Variants in KDM4C observed in about 807,000 individuals in gnomAD.
The protein encoded by KDM4C is lysine-specific demethylase 4C.
KDM4C carries 81 observed loss-of-function variants against 129.3 expected under a neutral mutation model. That is an observed-to-expected ratio of 0.63 (90% CI 0.52 to 0.75). The LOEUF (loss-of-function observed/expected upper bound fraction) is 0.75, where lower values mean the gene tolerates loss of function less well. Ranked by LOEUF, KDM4C falls within the 30% of genes least tolerant of loss-of-function variation. KDM4C has a pLI of 0.00. For missense variants in KDM4C, 1,457 were observed against 1,304.0 expected (o/e 1.12, Z -1.81); for synonymous variants, 573 against 456.1 (o/e 1.26, Z -3.26).
chr9:6,866,719 G>GT (rs1842038839), intron 5 of KDM4C, among the ~76,000 whole-genome samples: 2 of 152,070 alleles, frequency 1.3e-5, no homozygotes, highest in Admixed American at 6.6e-5. Flanking sequence ...GAAACCGTGA[G>GT]TGGGGGGTTT....
intron 17 of KDM4C, among the ~76,000 whole-genome samples, chr9:7,086,673 C>T (rs1054189121): frequency 2.6e-5 from 4 of 152,170 alleles, no homozygotes; most frequent in African/African-American, 4.8e-5. Context: ...ATAACTGCTA[C>T]GGGGTTACCA....
rs372619664 is a variant in KDM4C at position 6,832,301 on chromosome 9, C to G, written c.436-17206C>G. 2.2e-3 allele frequency among the ~76,000 whole-genome samples: 332 copies of G among 147,580 alleles called. 3 individuals are homozygous for G. Among genetic ancestry groups the G allele is most frequent in the African/African-American group, 7.5e-3 (299 of 39,984 alleles). ...CTTGCAGTGAGCTGAGATTGCGCCA[C>G]TGCACTCCAGCCTGGGCGACAGAGT... On this transcript the variant is annotated intron_variant, in intron 4 of 21. Transcript: ENST00000381309.
chr9:7,105,394 G>T (rs1183929356), intron 18 of KDM4C: 2 of 467,378 alleles, frequency 4.3e-6, no homozygotes, highest in Non-Finnish European at 8.9e-6. Context: ...TCACCATGTT[G>T]TTTTCAGTTC....
chr9:6,830,366 T>A (rs1834611441), intron 4 of KDM4C, among the ~76,000 whole-genome samples: 1 of 152,142 alleles, frequency 6.6e-6, no homozygotes, highest in South Asian at 2.1e-4. Context: ...AGGGAGGTCG[T>A]GGAGCTGCTT....
intron 15 of KDM4C, among the ~76,000 whole-genome samples, chr9:7,022,637 C>CTTTTTTTTTTTTTTTTTTTTT (rs375675040): frequency 7.5e-6 from 1 of 133,960 alleles, no homozygotes; most frequent in Non-Finnish European, 1.6e-5. Flanking sequence ...CCCTTTATTT[C>CTTTTTTTTTTTTTTTTTTTTT]TTTTTTTTTT....
At chr9:6,854,218 G>C (rs761697586) in intron 5 of KDM4C, among the ~76,000 whole-genome samples, 6 of 151,880 alleles carry the variant, frequency 4.0e-5, no homozygotes, top group Non-Finnish European at 8.8e-5. Flanking sequence ...TCCCAGACTG[G>C]GTACAAACAA....
intron 19 of KDM4C, among the ~76,000 whole-genome samples, chr9:7,148,095 G>A (rs1051156049): frequency 1.3e-5 from 2 of 152,242 alleles, no homozygotes; most frequent in African/African-American, 2.4e-5. Context: ...TCCAGGTGCC[G>A]GCTCCATGTG....
At chr9:7,109,755 C>T (rs1838108136) in intron 18 of KDM4C, among the ~76,000 whole-genome samples, 1 of 152,128 alleles carries the variant, frequency 6.6e-6, no homozygotes, top group Admixed American at 6.5e-5. Context: ...TCCCCTTGGA[C>T]CTTTTGGAGC....
At chr9:7,080,249 T>C (rs372145635) in intron 17 of KDM4C, among the ~76,000 whole-genome samples, 1 of 152,166 alleles carries the variant, frequency 6.6e-6, no homozygotes, top group South Asian at 2.1e-4. Context: ...AACCCCCATG[T>C]ATTCTCCTCC....
At chr9:6,925,149 C>T in intron 8 of KDM4C, 1 of 985,378 alleles carries the variant, frequency 1.0e-6, no homozygotes, top group South Asian at 4.7e-5. Flanking sequence ...CAAGCAGTGC[C>T]TCACTGGAAG....
intron 8 of KDM4C, among the ~76,000 whole-genome samples, chr9:6,921,531 G>A (rs1821508791): frequency 6.6e-6 from 1 of 152,184 alleles, no homozygotes; most frequent in African/African-American, 2.4e-5. Context: ...GATGCCCACT[G>A]CTCACCACAC....
At chr9:7,145,519 A>C (rs752406563) in intron 19 of KDM4C, among the ~76,000 whole-genome samples, 3 of 152,182 alleles carry the variant, frequency 2.0e-5, no homozygotes, top group African/African-American at 4.8e-5. Context: ...CAACTCCTCC[A>C]GAACTCCCAC....
rs1845672248 is a variant in KDM4C, at chr9:6,888,815, T to C, written c.783+752T>C. Among the ~76,000 whole-genome samples, 2 of 26,750 alleles carry C rather than the reference T, an allele frequency of 7.5e-5. 1 individual carries two copies. The highest frequency in any genetic ancestry group is 5.8e-4 in the African/African-American group (2 of 3,424). 17.5% of individuals were successfully genotyped at this position (26,750 alleles called of 152,430 possible). A position where few individuals can be genotyped will look rare whatever the true frequency, so the allele number is the denominator to read the frequency against. ...TTTTTTTTTTTTTTTTGAGACGGAG[T>C]CTCGCTCTGTCGCCCAGGCTGGAGT... On this transcript the variant is annotated intron_variant, in intron 7 of 21. Transcript: ENST00000381309.
intron 5 of KDM4C, among the ~76,000 whole-genome samples, chr9:6,862,723 C>T (rs1044381433): frequency 1.3e-5 from 2 of 152,150 alleles, no homozygotes; most frequent in Non-Finnish European, 2.9e-5. Flanking sequence ...GGGAGAATTG[C>T]TTGATCCCGG....
intron 8 of KDM4C, among the ~76,000 whole-genome samples, chr9:6,978,346 G>A (rs1201545588): frequency 1.4e-5 from 2 of 146,452 alleles, no homozygotes; most frequent in African/African-American, 2.4e-5. Flanking sequence ...CTTTAAAGGT[G>A]TAATCTTTTT....
chr9:6,776,755 C>G (rs150022580), intron 1 of KDM4C, among the ~76,000 whole-genome samples: 2 of 151,910 alleles, frequency 1.3e-5, no homozygotes, highest in Non-Finnish European at 2.9e-5. Context: ...GCACATACCA[C>G]CACGCCCGGG....
chr9:6,834,954 A>C (rs1466339007), intron 4 of KDM4C: 1 of 1,042,294 alleles, frequency 9.6e-7, no homozygotes, highest in Non-Finnish European at 1.5e-6. Context: ...CCCATCTGCG[A>C]GGGATATGCC....
rs372073628 is a variant in KDM4C at position 7,015,941 on chromosome 9, A to G, written c.2259+12A>G. 309 of 1,592,736 alleles carry G rather than the reference A, an allele frequency of 1.9e-4. 1 individual carries two copies. The African/African-American group carries it at 3.8e-3, about 20-fold the overall frequency. On this transcript the variant is annotated intron_variant, in intron 15 of 21. Transcript: ENST00000381309. Reference sequence around the variant, plus strand: ...ATGCGTGGACAGCAGTAAGTAGCTTATTTTAGTATTGCTTAACCTTTCTTC... The same window carrying G: ...ATGCGTGGACAGCAGTAAGTAGCTTGTTTTAGTATTGCTTAACCTTTCTTC...
chr9:7,058,514 A>G (rs1260768189), intron 17 of KDM4C, among the ~76,000 whole-genome samples: 1 of 152,204 alleles, frequency 6.6e-6, no homozygotes, highest in Admixed American at 6.5e-5. Flanking sequence ...AGTCGCTCTC[A>G]GGAGCTTGTA....
Sources: gnomAD v4.1 joint callset for allele counts (sites outside exome capture counted in the v4.1 genomes callset) on GRCh38, gnomAD v4.1.1 for gene constraint, MANE v1.5 for transcripts, NCBI Gene and HGNC (gene_info 2026-07-23, HGNC 2026-07-21) for gene names.